The following APPL1 variants were observed in gnomAD, a reference collection of about 807,000 sequenced individuals.
APPL1 encodes adaptor protein, phosphotyrosine interacting with PH domain and leucine zipper 1.
Under a neutral mutation model 106.8 loss-of-function variants are expected in APPL1, and 42 were observed. The observed-to-expected ratio is 0.39, with a 90% confidence interval of 0.31 to 0.51. The LOEUF (loss-of-function observed/expected upper bound fraction) is 0.51. APPL1 is among the 20% of genes least tolerant of loss of function. The probability of loss-of-function intolerance (pLI) is 0.75; values close to 1 mark genes in which losing one functional copy is unlikely to be tolerated. For synonymous variants in APPL1, 263 were observed against 281.8 expected (o/e 0.93, Z 0.67); for missense variants, 769 against 858.2 (o/e 0.90, Z 1.30).
In APPL1 at chr3:57,272,335, T is replaced by C. The variant is rs1360947659; in HGVS notation, c.*2648T>C. 1 of 152,170 alleles carries C rather than the reference T, an allele frequency of 6.6e-6. No homozygotes were observed. The highest frequency in any genetic ancestry group is 1.9e-4 in the East Asian group (1 of 5,196). 9.4% of individuals were successfully genotyped at this position (152,170 alleles called of 1,614,324 possible). On this transcript the variant is annotated 3_prime_UTR_variant, in exon 22 of 22. Coordinates refer to ENST00000288266, the MANE Select transcript of APPL1 (RefSeq NM_012096.3). ...CAGAGTCCCTAAAGCTAGTCTAGTT[T>C]TTGCCACATCTGCAATGATTATTGT...
rs1036314562 is a variant in APPL1 at position 57,272,232 on chromosome 3, G to C, written c.*2545G>C. 1 of 152,246 alleles carries C rather than the reference G, an allele frequency of 6.6e-6. No homozygotes were observed. The highest frequency in any genetic ancestry group is 1.5e-5 in the Non-Finnish European group (1 of 68,046). The allele number at this position is 152,246 out of a possible 1,614,324, so 9.4% of individuals were successfully genotyped here. On this transcript the variant is annotated 3_prime_UTR_variant, in exon 22 of 22. Coordinates refer to ENST00000288266, the MANE Select transcript of APPL1 (RefSeq NM_012096.3). ...TGTAACTATGGCAATGAAGTCAGTA[G>C]ATAGGAAACCAGTTATTCCTTCTAC...
Position 57,259,967 on chromosome 3 carries a change from A to G in APPL1, c.1606A>G (p.Asn536Asp), listed in dbSNP as rs1455370460. ...AATCTTAGCTGCCCGGGCCATCCAT[A>G]ACATCTTTCGTATGACAGAATCGCA... is the stretch of plus-strand genomic sequence containing the variant. The part of the protein sequence containing the change: ...RQILAARAIH[N>D]IFRMTESHLL... Residue 536 changes from asparagine (N) to aspartate (D), a missense_variant, in exon 17 of 22, where the codon AAC (asparagine) becomes GAC (aspartate). Transcript: ENST00000288266. 3 of 1,613,852 alleles carry G rather than the reference A, an allele frequency of 1.9e-6. No individual in the cohort carries two copies. Among genetic ancestry groups the G allele is most frequent in the Non-Finnish European group, 8.5e-7 (1 of 1,179,988 alleles).
Position 57,257,030 on chromosome 3 carries a change from A to G in APPL1, c.1226A>G (p.Glu409Gly). 6.2e-7 allele frequency: 1 copy of G among 1,614,220 alleles called. No homozygotes were observed. The highest frequency in any genetic ancestry group is 8.5e-7 in the Non-Finnish European group (1 of 1,180,030). ...TPSPSFQQRH[E>G]SLRPAAGQSR... Reference sequence around the variant, plus strand: ...TCCCCATCTTTCCAGCAGAGGCACGAGAGCCTGCGGCCAGCAGCAGGGTAA... The same window carrying G: ...TCCCCATCTTTCCAGCAGAGGCACGGGAGCCTGCGGCCAGCAGCAGGGTAA... The change falls in exon 14 of 22, where the codon GAG (glutamate) becomes GGG (glycine). Residue 409 changes from glutamate (E) to glycine (G), a missense_variant. Glu to Gly is a moderately conservative substitution (Grantham distance 98). Transcript: ENST00000288266.
At chr3:57,263,665 A>G (rs946397769) in intron 19 of APPL1, among the ~76,000 whole-genome samples, 3 of 149,568 alleles carry the variant, frequency 2.0e-5, no homozygotes, top group Admixed American at 6.6e-5. Flanking sequence ...TTCTTTATCC[A>G]TGTATCATCC....
chr3:57,250,369 G>C (rs1051281562), intron 11 of APPL1, among the ~76,000 whole-genome samples: 1 of 152,082 alleles, frequency 6.6e-6, no homozygotes, highest in African/African-American at 2.4e-5. Flanking sequence ...CGAACTCCTG[G>C]ACTTAAGTGA....
rs766139438 is a variant in APPL1, at chr3:57,273,307, C to T, written c.*3620C>T. The T allele has an allele frequency of 6.6e-5, 10 of 152,504 alleles. No homozygotes were observed. Among genetic ancestry groups the T allele is most frequent in the Non-Finnish European group, 8.8e-5 (6 of 68,026 alleles). The allele number at this position is 152,504 out of a possible 1,614,324, so 9.4% of individuals were successfully genotyped here. A position where few individuals can be genotyped will look rare whatever the true frequency, so the allele number is the denominator to read the frequency against. On this transcript the variant is annotated 3_prime_UTR_variant, in exon 22 of 22. Transcript: ENST00000288266. ...ACTTTAGAATTGGATTTGAAGAACT[C>T]GACTTTATGTGATCATGGTATTGGT...
At chr3:57,258,873 C>T in intron 15 of APPL1, 155 bp from the exon 16 acceptor site, 1 of 558,936 alleles carries the variant, frequency 1.8e-6, no homozygotes, top group South Asian at 2.6e-5. Context: ...AGGCCTTCAT[C>T]ATAGTAATTT....
intron 3 of APPL1, among the ~76,000 whole-genome samples, 199 bp from the exon 4 acceptor site, chr3:57,237,846 A>G (rs1467919384): frequency 1.3e-5 from 2 of 152,226 alleles, no homozygotes; most frequent in East Asian, 1.9e-4. Context: ...TGGGTATTCC[A>G]ATATGCCATG....
chr3:57,252,428 C>CT (rs1269291878), intron 12 of APPL1, 117 bp downstream of exon 12: 1 of 667,422 alleles, frequency 1.5e-6, no homozygotes, highest in African/African-American at 1.9e-5. Context: ...AATTAAAAAT[C>CT]TTTCTTTTTC....
chr3:57,253,773 A>C (rs1349111313), intron 13 of APPL1, 35 bp downstream of exon 13: 30 of 1,364,176 alleles, frequency 2.2e-5, no homozygotes, highest in Admixed American at 3.8e-5. Context: ...CAGATCTAGC[A>C]AAATTGAGTA....
intron 1 of APPL1, 111 bp from the exon 2 acceptor site, chr3:57,235,455 A>C (rs1048954853): frequency 1.7e-6 from 1 of 589,578 alleles, no homozygotes; most frequent in Non-Finnish European, 2.9e-6. Flanking sequence ...ATTAAAACTC[A>C]GAATTACTAG....
chr3:57,261,642 C>T (rs1374808316), intron 19 of APPL1, among the ~76,000 whole-genome samples: 1 of 152,154 alleles, frequency 6.6e-6, no homozygotes, highest in African/African-American at 2.4e-5. Flanking sequence ...CCTCAGCCTC[C>T]CGAGTAGCTG....
chr3:57,228,140 C>T lies in APPL1; in HGVS notation c.54+203C>T, dbSNP rs1362788467. 6.6e-6 allele frequency among the ~76,000 whole-genome samples: 1 copy of T among 151,992 alleles called. No individual in the cohort carries two copies. The highest frequency in any genetic ancestry group is 2.4e-5 in the African/African-American group (1 of 41,412). On this transcript the variant is annotated intron_variant, in intron 1 of 21. Transcript: ENST00000288266. The surrounding 1 kb of genome is among the most constrained non-coding windows in gnomAD (Gnocchi z 4.6). ...GCCCGCGTGGGCCTGCTCGGCTGGG[C>T]CGAGGGCCGCAGGCGGAGACCGAGC...
chr3:57,229,858 C>T (rs2060677313), intron 1 of APPL1, among the ~76,000 whole-genome samples: 1 of 151,926 alleles, frequency 6.6e-6, no homozygotes, highest in African/African-American at 2.4e-5. Flanking sequence ...GGATTACAGA[C>T]GTGTGCCACC....
At chr3:57,237,896 A>G in intron 3 of APPL1, 149 bp from the exon 4 acceptor site, 1 of 621,102 alleles carries the variant, frequency 1.6e-6, no homozygotes, top group South Asian at 2.3e-5. Flanking sequence ...TTTATTATAT[A>G]CATTACACAA....
intron 2 of APPL1, among the ~76,000 whole-genome samples, chr3:57,237,084 T>C (rs1364850715): frequency 6.6e-6 from 1 of 152,256 alleles, no homozygotes. Flanking sequence ...GTTGCTATGT[T>C]ATATGACTGG....
intron 6 of APPL1, 83 bp from the exon 7 acceptor site, chr3:57,242,773 G>A (rs948582172): frequency 1.0e-6 from 1 of 1,002,498 alleles, no homozygotes; most frequent in Non-Finnish European, 1.5e-6. Flanking sequence ...TTTGTGGAAA[G>A]GTGCACATGT....
At chr3:57,236,960 C>G (rs368921279) in intron 2 of APPL1, among the ~76,000 whole-genome samples, 3 of 152,180 alleles carry the variant, frequency 2.0e-5, no homozygotes, top group East Asian at 3.9e-4. Flanking sequence ...TCCTTGTGAT[C>G]AGGCTCTGAA....
At position 57,258,851 on chromosome 3, in the gene APPL1, G is replaced by A. The variant is rs1196349092; in HGVS notation, c.1431-177G>A. The A allele has an allele frequency of 5.7e-6, 3 of 528,500 alleles. No homozygotes were observed. The African/African-American group carries it at 5.8e-5, about 10-fold the overall frequency. 32.7% of individuals were successfully genotyped at this position (528,500 alleles called of 1,614,324 possible). A position where few individuals can be genotyped will look rare whatever the true frequency, so the allele number is the denominator to read the frequency against. On this transcript the variant is annotated intron_variant, in intron 15 of 21. Coordinates refer to ENST00000288266, the MANE Select transcript of APPL1 (RefSeq NM_012096.3). Reference sequence around the variant, plus strand: ...AGTGCACCAACATTGATCAGTTAGTGTGTGAGGGCAGAGGCCTTCATCATA... The same window carrying A: ...AGTGCACCAACATTGATCAGTTAGTATGTGAGGGCAGAGGCCTTCATCATA...
Sources: allele counts gnomAD v4.1 joint callset (sites outside exome capture counted in the v4.1 genomes callset), GRCh38; gene constraint gnomAD v4.1.1; non-coding constraint Gnocchi (gnomAD v3.1); transcripts MANE v1.5; gene names NCBI Gene and HGNC (gene_info 2026-07-23, HGNC 2026-07-21).